A1CF: variants seen among roughly 807,000 people sequenced by gnomAD.
A1CF encodes the protein APOBEC-1 stimulating protein.
In A1CF, 48 loss-of-function variants were observed where a neutral mutation model predicts 68.9. The observed-to-expected ratio is 0.70, with a 90% confidence interval of 0.55 to 0.89. The LOEUF (loss-of-function observed/expected upper bound fraction) is 0.89, where lower values mean the gene tolerates loss of function less well. Among genes scored for constraint, A1CF ranks in the 40% least tolerant of loss-of-function variants. The probability of loss-of-function intolerance (pLI) is 0.00; values close to 1 mark genes in which losing one functional copy is unlikely to be tolerated. For missense variants in A1CF, 653 were observed against 718.9 expected (o/e 0.91, Z 1.05); for synonymous variants, 272 against 260.4 (o/e 1.04, Z -0.43).
Position 50,805,084 on chromosome 10 carries a change from G to A in A1CF, c.*1645C>T, listed in dbSNP as rs1236542113. On this transcript the variant is annotated 3_prime_UTR_variant, in exon 13 of 13. Coordinates refer to ENST00000373997, the MANE Select transcript of A1CF (RefSeq NM_014576.4). ...TTGGAGGCTTTGTTATCTCATTGGA[G>A]TTAGGACAACTGAAATGTTACAAGT... 1.3e-5 allele frequency: 2 copies of A among 152,230 alleles called. No homozygotes were observed. The highest frequency in any genetic ancestry group is 2.9e-5 in the Non-Finnish European group (2 of 68,046). 9.4% of individuals were successfully genotyped at this position (152,230 alleles called of 1,614,324 possible).
At chr10:50,856,551 T>G (rs1460735624) in intron 3 of A1CF, among the ~76,000 whole-genome samples, 2 of 152,250 alleles carry the variant, frequency 1.3e-5, no homozygotes, top group African/African-American at 4.8e-5. Context: ...GATGCTGATC[T>G]CTAAAATTGC....
chr10:50,837,373 C>G (rs374923657), intron 5 of A1CF, among the ~76,000 whole-genome samples: 1 of 152,168 alleles, frequency 6.6e-6, no homozygotes, highest in Non-Finnish European at 1.5e-5. Context: ...TTAAACTATT[C>G]TGGAGAACAT....
intron 11 of A1CF, 87 bp from the exon 12 acceptor site, chr10:50,810,129 A>T (rs986704699): frequency 6.8e-7 from 1 of 1,477,364 alleles, no homozygotes; most frequent in African/African-American, 1.4e-5. Context: ...GCTTTGTAAG[A>T]TGACTGGATG....
chr10:50,878,215 T>A (rs1841606396), intron 1 of A1CF, among the ~76,000 whole-genome samples: 2 of 152,216 alleles, frequency 1.3e-5, no homozygotes, highest in Admixed American at 1.3e-4. Context: ...GGGGATAGAA[T>A]TAATTTCTAA....
chr10:50,866,552 C>G (rs115840623), intron 1 of A1CF, among the ~76,000 whole-genome samples: 356 of 152,306 alleles, frequency 2.3e-3, no homozygotes, highest in African/African-American at 8.3e-3. Flanking sequence ...GGCAGGGAAA[C>G]AGATGAGAAG....
chr10:50,885,585 G>C lies in A1CF; in HGVS notation c.-98C>G, dbSNP rs1437723186. 1 of 152,188 alleles carries C rather than the reference G, an allele frequency of 6.6e-6. No homozygotes were observed. The highest frequency in any genetic ancestry group is 1.5e-5 in the Non-Finnish European group (1 of 68,038). 9.4% of individuals were successfully genotyped at this position (152,188 alleles called of 1,614,324 possible). ...AGCAAAACACATGGATCATACCTGAGTAATTTCAGAGATCCCCACCCGGAA... is the reference window on the plus strand; with the variant it reads ...AGCAAAACACATGGATCATACCTGACTAATTTCAGAGATCCCCACCCGGAA... On this transcript the variant is annotated 5_prime_UTR_variant, in exon 1 of 13. Coordinates refer to ENST00000373997, the MANE Select transcript of A1CF (RefSeq NM_014576.4).
At chr10:50,881,258 G>A (rs1314095773) in intron 1 of A1CF, among the ~76,000 whole-genome samples, 3 of 152,272 alleles carry the variant, frequency 2.0e-5, no homozygotes, top group African/African-American at 4.8e-5. Flanking sequence ...CATAGTGTTC[G>A]AATTACAGGC....
chr10:50,872,881 T>C (rs1841336034), intron 1 of A1CF, among the ~76,000 whole-genome samples: 1 of 151,456 alleles, frequency 6.6e-6, no homozygotes, highest in Admixed American at 6.6e-5. Context: ...GTTTACCAAA[T>C]GATGTATCAT....
chr10:50,843,237 G>T (rs1839856403), intron 4 of A1CF, among the ~76,000 whole-genome samples: 3 of 152,138 alleles, frequency 2.0e-5, no homozygotes, highest in Non-Finnish European at 4.4e-5. Context: ...CTCATTTTCA[G>T]ATTCAGTATA....
At chr10:50,851,480 T>A (rs1179334195) in intron 3 of A1CF, among the ~76,000 whole-genome samples, 1 of 152,208 alleles carries the variant, frequency 6.6e-6, no homozygotes, top group African/African-American at 2.4e-5. Context: ...GTTACTTAAA[T>A]AAGCTTATAT....
chr10:50,878,287 A>G (rs1431600128), intron 1 of A1CF, among the ~76,000 whole-genome samples: 1 of 152,118 alleles, frequency 6.6e-6, no homozygotes, highest in African/African-American at 2.4e-5. Context: ...TTTCTCATCT[A>G]TTTTCCTCTA....
intron 1 of A1CF, among the ~76,000 whole-genome samples, chr10:50,883,080 GCTA>G (rs1841855322): frequency 6.6e-6 from 1 of 152,122 alleles, no homozygotes; most frequent in Admixed American, 6.5e-5. Flanking sequence ...ATGGAATAGT[GCTA>G]CTATTTGTGA....
intron 1 of A1CF, among the ~76,000 whole-genome samples, chr10:50,865,598 C>T (rs1840952617): frequency 6.6e-6 from 1 of 152,184 alleles, no homozygotes. Flanking sequence ...ACCCTAGACT[C>T]CCCTTCCAGT....
chr10:50,828,224 T>C lies in A1CF; in HGVS notation c.676A>G (p.Thr226Ala). The C allele has an allele frequency of 2.5e-6, 4 of 1,608,542 alleles. No homozygotes were observed. Among genetic ancestry groups the C allele is most frequent in the Non-Finnish European group, 3.4e-6 (4 of 1,175,988 alleles). The change falls in exon 7 of 13, where the codon ACA (threonine) becomes GCA (alanine). Residue 226 changes from threonine (T) to alanine (A), a missense_variant. Physicochemically the swap from Thr to Ala is moderately conservative, Grantham distance 58 (BLOSUM62 0). Coordinates refer to ENST00000373997, the MANE Select transcript of A1CF (RefSeq NM_014576.4). ...AEPEVEVDED[T>A]MSSVKILYVR... ...TATAGGATTTTCACTGAAGACATTGTATCTTCATCAACTTCTACTTCTGGC... is the reference window on the plus strand; with the variant it reads ...TATAGGATTTTCACTGAAGACATTGCATCTTCATCAACTTCTACTTCTGGC...
At chr10:50,841,660 A>T (rs1839783471) in intron 5 of A1CF, among the ~76,000 whole-genome samples, 1 of 152,212 alleles carries the variant, frequency 6.6e-6, no homozygotes, top group South Asian at 2.1e-4. Context: ...TTGAACACTC[A>T]TAGAACTTAG....
Position 50,805,861 on chromosome 10 carries a change from G to C in A1CF, c.*868C>G, listed in dbSNP as rs1837792608. On this transcript the variant is annotated 3_prime_UTR_variant, in exon 13 of 13. Transcript: ENST00000373997. ...ATCATAAATGATATTCTGTATATCT[G>C]ATTTACTTTTTTATGATATTAGGTA... 6.6e-6 allele frequency: 1 copy of C among 152,132 alleles called. No homozygotes were observed. The highest frequency in any genetic ancestry group is 1.5e-5 in the Non-Finnish European group (1 of 68,010). 9.4% of individuals were successfully genotyped at this position (152,132 alleles called of 1,614,324 possible). A position where few individuals can be genotyped will look rare whatever the true frequency, so the allele number is the denominator to read the frequency against.
rs1462399387 is a variant in A1CF, at chr10:50,802,806, C to G, written c.*3923G>C. 2.0e-5 allele frequency: 3 copies of G among 152,156 alleles called. No individual in the cohort carries two copies. Among genetic ancestry groups the G allele is most frequent in the African/African-American group, 7.2e-5 (3 of 41,432 alleles). 9.4% of individuals were successfully genotyped at this position (152,156 alleles called of 1,614,324 possible). A position where few individuals can be genotyped will look rare whatever the true frequency, so the allele number is the denominator to read the frequency against. ...ACAAATGGCACACCTAAGAACCTCC[C>G]TGTCTATGTGGATTCTAACTGTGGC... On this transcript the variant is annotated 3_prime_UTR_variant, in exon 13 of 13. Transcript: ENST00000373997.
At chr10:50,849,903 C>G (rs1840160799) in intron 3 of A1CF, among the ~76,000 whole-genome samples, 1 of 147,364 alleles carries the variant, frequency 6.8e-6, no homozygotes, top group African/African-American at 2.5e-5. Context: ...ACGCTATTCT[C>G]CTGCCTCTGC....
At chr10:50,814,073 A>G in intron 9 of A1CF, 35 bp from the exon 10 acceptor site, 1 of 1,610,974 alleles carries the variant, frequency 6.2e-7, no homozygotes, top group Non-Finnish European at 8.5e-7. Context: ...CTAGGAACGT[A>G]AGAAGGCATT....
Sources: allele counts gnomAD v4.1 joint callset (sites outside exome capture counted in the v4.1 genomes callset), GRCh38; gene constraint gnomAD v4.1.1; transcripts MANE v1.5; gene names NCBI Gene and HGNC (gene_info 2026-07-23, HGNC 2026-07-21).